TLL1: variants seen among roughly 807,000 people sequenced by gnomAD.
TLL1 encodes the protein tolloid-like protein 1.
TLL1 carries 49 observed loss-of-function variants against 128.2 expected under a neutral mutation model. The observed-to-expected ratio is 0.38, with a 90% CI of 0.30 to 0.48. TLL1 has a LOEUF of 0.48. Among genes scored for constraint, TLL1 ranks in the 20% least tolerant of loss-of-function variants. The pLI, the probability that TLL1 is intolerant of heterozygous loss-of-function variation, is 0.96. For missense variants in TLL1, 1,123 were observed against 1,242.0 expected, an observed-to-expected ratio of 0.90 and a Z score of 1.44; for synonymous variants, 454 against 418.8, an observed-to-expected ratio of 1.08 and a Z score of -1.03.
At chr4:166,072,019 A>G (rs1311910897) in intron 16 of TLL1, among the ~76,000 whole-genome samples, 2 of 152,008 alleles carry the variant, frequency 1.3e-5, no homozygotes. Context: ...GAGTATTCCA[A>G]TGATTTCCTG....
At chr4:165,892,089 G>T (rs1262118421) in intron 1 of TLL1, among the ~76,000 whole-genome samples, 1 of 152,238 alleles carries the variant, frequency 6.6e-6, no homozygotes, top group African/African-American at 2.4e-5. Flanking sequence ...GCACGGAGAA[G>T]TGCAGAGTGA....
At chr4:165,951,755 T>C (rs1734530713) in intron 1 of TLL1, among the ~76,000 whole-genome samples, 1 of 152,096 alleles carries the variant, frequency 6.6e-6, no homozygotes, top group Admixed American at 6.6e-5. Flanking sequence ...ACTCAGCCAT[T>C]GTGTTCTACA....
chr4:166,099,503 G>A lies in TLL1; in HGVS notation c.2883G>A (p.Gly961=), dbSNP rs1224970367. ...LFDGLDSTAV[G]LGRFCGSGPP... ...ATGGTCTTGATTCAACAGCTGTGGG[G>A]CTTGGTCGATTCTGTGGATCCGGGG... The change falls in exon 20 of 21, where the codon GGG becomes GGA. Residue 961 remains glycine (G), a synonymous_variant. Coordinates refer to ENST00000061240, the MANE Select transcript of TLL1 (RefSeq NM_012464.5). 8.7e-6 allele frequency: 14 copies of A among 1,613,292 alleles called. No homozygotes were observed. The East Asian group carries it at 2.9e-4, about 33-fold the overall frequency.
rs568893954 is a variant in TLL1 at position 166,040,651 on chromosome 4, T to C, written c.1261+1210T>C. ...GTAGCATCAAAATCATCTGGAAAGCTGTTAGAATTGTAGAAACTTGGCTCT... is the reference window on the plus strand; with the variant it reads ...GTAGCATCAAAATCATCTGGAAAGCCGTTAGAATTGTAGAAACTTGGCTCT... On this transcript the variant is annotated intron_variant, in intron 10 of 20. Coordinates refer to ENST00000061240, the MANE Select transcript of TLL1 (RefSeq NM_012464.5). 5.3e-5 allele frequency among the ~76,000 whole-genome samples: 8 copies of C among 152,326 alleles called. No individual in the cohort carries two copies. In the East Asian group the frequency reaches 1.5e-3, roughly 29 times the overall value.
intron 8 of TLL1, among the ~76,000 whole-genome samples, chr4:166,022,266 G>A (rs928944000): frequency 1.3e-5 from 2 of 151,762 alleles, no homozygotes; most frequent in Non-Finnish European, 2.9e-5. Flanking sequence ...CCGGGTTCAA[G>A]CGATTCCTGC....
intron 1 of TLL1, among the ~76,000 whole-genome samples, chr4:165,964,079 C>T (rs1735254336): frequency 6.6e-6 from 1 of 152,090 alleles, no homozygotes; most frequent in African/African-American, 2.4e-5. Context: ...TGGGGAGATA[C>T]ATCTTAGCAT....
chr4:165,985,611 A>G (rs753193142), intron 1 of TLL1, among the ~76,000 whole-genome samples: 2 of 152,000 alleles, frequency 1.3e-5, no homozygotes, highest in Non-Finnish European at 2.9e-5. Context: ...TCAGCTTCAG[A>G]CTGAAGTGTT....
intron 1 of TLL1, among the ~76,000 whole-genome samples, chr4:165,900,630 G>A (rs953688829): frequency 2.0e-5 from 3 of 152,058 alleles, no homozygotes; most frequent in African/African-American, 7.2e-5. Context: ...ACTTCCCTTT[G>A]CGGATAACCC....
rs561419886 is a variant in TLL1, at chr4:166,081,533, T to C, written c.2442+3503T>C. Among the ~76,000 whole-genome samples the C allele has an allele frequency of 1.5e-4, 23 of 152,254 alleles. No individual in the cohort carries two copies. The South Asian group carries it at 2.9e-3, about 19-fold the overall frequency. ...CTCCCCTCGTATCTGCAGTTTCCGT[T>C]AGTTCTATCCTCTTCTCCTCATCCA... On this transcript the variant is annotated intron_variant, in intron 18 of 20. Transcript: ENST00000061240.
At chr4:166,083,063 G>A (rs1339069888) in intron 18 of TLL1, among the ~76,000 whole-genome samples, 1 of 152,044 alleles carries the variant, frequency 6.6e-6, no homozygotes, top group Non-Finnish European at 1.5e-5. Flanking sequence ...ATCTTCTTAG[G>A]TCAAGAACTC....
At chr4:166,047,316 C>T (rs906455355) in intron 12 of TLL1, among the ~76,000 whole-genome samples, 6 of 151,572 alleles carry the variant, frequency 4.0e-5, no homozygotes, top group South Asian at 2.1e-4. Flanking sequence ...AGGCGTGTGC[C>T]ACTGTGCCTG....
At chr4:166,094,720 T>C (rs2111162360) in intron 19 of TLL1, among the ~76,000 whole-genome samples, 1 of 152,308 alleles carries the variant, frequency 6.6e-6, no homozygotes, top group African/African-American at 2.4e-5. Context: ...TTTTTTCAGC[T>C]AGGTTGGAAT....
At chr4:165,933,508 A>G (rs7654070) in intron 1 of TLL1, among the ~76,000 whole-genome samples, 24,684 of 152,104 alleles carry the variant, frequency 0.16, 3,591 homozygotes, top group African/African-American at 0.38. Context: ...CAGCCTGTCC[A>G]TCAGCTATTA....
At chr4:166,021,914 A>C (rs141621678) in intron 8 of TLL1, among the ~76,000 whole-genome samples, 1,609 of 152,120 alleles carry the variant, frequency 0.011, 30 homozygotes, top group African/African-American at 0.035. Context: ...AGCTTCCTGG[A>C]GTTGATATTG....
At chr4:165,890,289 C>T (rs893724631) in intron 1 of TLL1, among the ~76,000 whole-genome samples, 1 of 152,142 alleles carries the variant, frequency 6.6e-6, no homozygotes, top group Admixed American at 6.5e-5. Flanking sequence ...CTGCCACTGG[C>T]CCCTCCAAAA....
intron 18 of TLL1, among the ~76,000 whole-genome samples, chr4:166,081,743 T>G (rs893876814): frequency 1.4e-5 from 2 of 144,874 alleles, no homozygotes; most frequent in Non-Finnish European, 3.0e-5. Context: ...AAGTTGTTAT[T>G]TTTTTTTTTT....
Position 165,962,664 on chromosome 4 carries a change from T to C in TLL1, c.170-26717T>C, listed in dbSNP as rs80011037. ...TACAGTAGCAAGGTAAGCCAGGTGC[T>C]CATCAATGGTGGACTGGATAAAGAA... On this transcript the variant is annotated intron_variant, in intron 1 of 20. Coordinates refer to ENST00000061240, the MANE Select transcript of TLL1 (RefSeq NM_012464.5). 2.3e-3 allele frequency among the ~76,000 whole-genome samples: 346 copies of C among 152,076 alleles called. 5 individuals carry two copies. The East Asian group carries it at 0.043, about 19-fold the overall frequency.
chr4:165,972,593 G>A lies in TLL1; in HGVS notation c.170-16788G>A, dbSNP rs184458261. 2.3e-3 allele frequency among the ~76,000 whole-genome samples: 351 copies of A among 152,244 alleles called. 1 individual carries two copies. Among genetic ancestry groups the A allele is most frequent in the Non-Finnish European group, 4.3e-3 (291 of 68,006 alleles). On this transcript the variant is annotated intron_variant, in intron 1 of 20. Coordinates refer to ENST00000061240, the MANE Select transcript of TLL1 (RefSeq NM_012464.5). ...TACACCCTGAATAATACTCTTGGTT[G>A]ACTGTCTGTCTATTTTACTCCTTGG...
At chr4:166,026,249 C>T (rs1371201546) in intron 9 of TLL1, among the ~76,000 whole-genome samples, 3 of 151,782 alleles carry the variant, frequency 2.0e-5, no homozygotes, top group Non-Finnish European at 4.4e-5. Flanking sequence ...ATTAGCCTGG[C>T]ACTGTGGCAC....
Sources: allele counts gnomAD v4.1 joint callset (sites outside exome capture counted in the v4.1 genomes callset), GRCh38; gene constraint gnomAD v4.1.1; transcripts MANE v1.5; gene names NCBI Gene and HGNC (gene_info 2026-07-23, HGNC 2026-07-21).